KLHL18: variants seen among roughly 807,000 people sequenced by gnomAD.
The protein encoded by KLHL18 is kelch-like protein 18.
Under a neutral mutation model 58.5 loss-of-function variants are expected in KLHL18, and 38 were observed. The observed-to-expected ratio is 0.65, with a 90% CI of 0.50 to 0.85. KLHL18 has a LOEUF of 0.85. Ranked by LOEUF, KLHL18 falls within the 40% of genes least tolerant of loss-of-function variation. The pLI is 0.00. For missense variants in KLHL18, 624 were observed against 778.4 expected (o/e 0.80, Z 2.36); for synonymous variants, 303 against 301.9 (o/e 1.00, Z -0.04).
chr3:47,333,118 T>C (rs771947723), intron 4 of KLHL18, 39 bp from the exon 5 acceptor site: 1 of 1,596,448 alleles, frequency 6.3e-7, no homozygotes, highest in South Asian at 1.1e-5. Flanking sequence ...GGCCTCTGGG[T>C]GGGAGGATTT....
intron 9 of KLHL18, 68 bp downstream of exon 9, chr3:47,342,898 T>G (rs1471055959): frequency 4.7e-6 from 6 of 1,278,542 alleles, no homozygotes; most frequent in Non-Finnish European, 6.8e-6. Context: ...TAGAAGATCA[T>G]TATTTGAAAA....
rs1048638492 is a variant in KLHL18, at chr3:47,309,426, C to T, written c.130-10227C>T. On this transcript the variant is annotated intron_variant, in intron 1 of 9. Transcript: ENST00000232766. ...CTCACCTTCCAGATGGGGTCGCGGC[C>T]GGGCAGAGGCGCTCCTCACATCCCA... Among the ~76,000 whole-genome samples, 12 of 151,950 alleles carry T rather than the reference C, an allele frequency of 7.9e-5. No individual in the cohort carries two copies. In the South Asian group the frequency reaches 1.2e-3, roughly 16 times the overall value.
At chr3:47,308,788 TA>T in intron 1 of KLHL18, among the ~76,000 whole-genome samples, 1 of 151,896 alleles carries the variant, frequency 6.6e-6, no homozygotes. Context: ...TTTTTTTTTT[TA>T]ATTGATCATT....
At chr3:47,322,964 C>A (rs1169304261) in intron 3 of KLHL18, among the ~76,000 whole-genome samples, 2 of 152,156 alleles carry the variant, frequency 1.3e-5, no homozygotes, top group Non-Finnish European at 2.9e-5. Flanking sequence ...TCTGTTCCTC[C>A]CCCTCCGATC....
intron 1 of KLHL18, among the ~76,000 whole-genome samples, chr3:47,299,700 G>A (rs1358858863): frequency 6.6e-6 from 1 of 151,794 alleles, no homozygotes; most frequent in African/African-American, 2.4e-5. Flanking sequence ...TGTGGCACAT[G>A]CCTGTAGTTG....
intron 1 of KLHL18, 58 bp from the exon 2 acceptor site, chr3:47,319,595 T>G (rs568187155): frequency 1.3e-6 from 2 of 1,583,968 alleles, no homozygotes; most frequent in Non-Finnish European, 1.7e-6. Flanking sequence ...TTTTTTTGTT[T>G]GTTTGTTTTT....
intron 1 of KLHL18, among the ~76,000 whole-genome samples, chr3:47,307,464 A>T (rs1393365750): frequency 6.6e-6 from 1 of 151,928 alleles, no homozygotes; most frequent in African/African-American, 2.4e-5. Flanking sequence ...AGAAATCCTA[A>T]TCTCAAGGTC....
chr3:47,342,676 C>T, intron 8 of KLHL18, 43 bp from the exon 9 acceptor site: 1 of 1,546,568 alleles, frequency 6.5e-7, no homozygotes, highest in Non-Finnish European at 8.9e-7. Context: ...AACAAGAACC[C>T]TGAATCTCAT....
At chr3:47,300,758 G>A (rs11716717) in intron 1 of KLHL18, among the ~76,000 whole-genome samples, 2 of 149,366 alleles carry the variant, frequency 1.3e-5, no homozygotes, top group African/African-American at 4.9e-5. Flanking sequence ...TCCAGCCTCA[G>A]CCTCCCAGGT....
Position 47,334,144 on chromosome 3 carries a change from C to T in KLHL18, c.762-539C>T, listed in dbSNP as rs541055334. Among the ~76,000 whole-genome samples the T allele has an allele frequency of 6.6e-6, 1 of 152,186 alleles. No homozygotes were observed. The highest frequency in any genetic ancestry group is 2.4e-5 in the African/African-American group (1 of 41,530). On this transcript the variant is annotated intron_variant, in intron 5 of 9. Transcript: ENST00000232766. This position sits in a 1 kb window ranked among gnomAD's most constrained non-coding sequence, Gnocchi z 4.7. ...CTGGAGGTAGCTAGGGCCCAGTGAC[C>T]AGCGGTCTCAAGGGTGCTGTTGAGG...
intron 2 of KLHL18, among the ~76,000 whole-genome samples, chr3:47,321,351 G>GTT (rs1323588705): frequency 6.8e-6 from 1 of 147,260 alleles, no homozygotes; most frequent in African/African-American, 2.6e-5. Flanking sequence ...GTTTTGTTTT[G>GTT]TTTTTTTTTT....
chr3:47,306,344 A>G lies in KLHL18; in HGVS notation c.130-13309A>G, dbSNP rs1449240361. Among the ~76,000 whole-genome samples, 3 of 152,094 alleles carry G rather than the reference A, an allele frequency of 2.0e-5. No individual in the cohort carries two copies. In the East Asian group the frequency reaches 5.8e-4, roughly 29 times the overall value. On this transcript the variant is annotated intron_variant, in intron 1 of 9. Coordinates refer to ENST00000232766, the MANE Select transcript of KLHL18 (RefSeq NM_025010.5). The stretch of plus-strand genomic sequence containing the variant: ...GGGTTTATTTTCCTAATTTACAGAT[A>G]TTATTTTCTATGTATCAAATATTGC...
chr3:47,315,204 CTGAG>C (rs1703391836), intron 1 of KLHL18, among the ~76,000 whole-genome samples: 1 of 152,068 alleles, frequency 6.6e-6, no homozygotes, highest in East Asian at 1.9e-4. Flanking sequence ...GGGGGAGAAA[CTGAG>C]AAGGAAGAGG....
At chr3:47,343,100 T>C (rs754113878) in intron 9 of KLHL18, among the ~76,000 whole-genome samples, 11 of 152,238 alleles carry the variant, frequency 7.2e-5, no homozygotes, top group Non-Finnish European at 1.5e-4. Context: ...GTGAGATTCC[T>C]GCCCAAAGTA....
chr3:47,308,680 T>G (rs780759278), intron 1 of KLHL18, among the ~76,000 whole-genome samples: 5 of 152,308 alleles, frequency 3.3e-5, no homozygotes, highest in Middle Eastern at 3.4e-3. Flanking sequence ...CGTAAGCCAC[T>G]GTGCCCGGCC....
At chr3:47,288,312 G>A (rs1339362946) in intron 1 of KLHL18, among the ~76,000 whole-genome samples, 2 of 152,026 alleles carry the variant, frequency 1.3e-5, no homozygotes, top group Non-Finnish European at 2.9e-5. Context: ...GCCCAGAAAG[G>A]GAAGGGACTT....
At chr3:47,286,580 C>A (rs1702681178) in intron 1 of KLHL18, among the ~76,000 whole-genome samples, 2 of 152,126 alleles carry the variant, frequency 1.3e-5, no homozygotes. Flanking sequence ...GTTGTTGGAC[C>A]TCACCCAGAA....
chr3:47,340,184 A>C (rs756460866), intron 7 of KLHL18, among the ~76,000 whole-genome samples: 7 of 152,182 alleles, frequency 4.6e-5, no homozygotes, highest in Non-Finnish European at 8.8e-5. Context: ...TGAATGAATG[A>C]TTGTAACAAC....
At chr3:47,306,267 C>A (rs1246805212) in intron 1 of KLHL18, among the ~76,000 whole-genome samples, 2 of 152,008 alleles carry the variant, frequency 1.3e-5, no homozygotes, top group Non-Finnish European at 2.9e-5. Context: ...TTAGAGACTC[C>A]TCTTTGACCT....
Sources: allele counts gnomAD v4.1 joint callset (sites outside exome capture counted in the v4.1 genomes callset), GRCh38; gene constraint gnomAD v4.1.1; non-coding constraint Gnocchi (gnomAD v3.1); transcripts MANE v1.5; gene names NCBI Gene and HGNC (gene_info 2026-07-23, HGNC 2026-07-21).